Variants in FRMPD3 observed in about 807,000 individuals in gnomAD.
The protein encoded by FRMPD3 is FERM and PDZ domain containing 3.
Under a neutral mutation model 97.9 loss-of-function variants are expected in FRMPD3, and 42 were observed. That is an observed-to-expected ratio of 0.43 (90% CI 0.34 to 0.55). The LOEUF is 0.55. Ranked by LOEUF, FRMPD3 falls within the 20% of genes least tolerant of loss-of-function variation. FRMPD3 has a pLI of 0.03. For synonymous variants in FRMPD3, 577 were observed against 581.1 expected (o/e 0.99, Z 0.10); for missense variants, 1,303 against 1,457.7 (o/e 0.89, Z 1.73).
At position 107,601,412 on chromosome X, in the gene FRMPD3, C is replaced by G; in HGVS notation, c.3373C>G (p.Pro1125Ala). 8.4e-7 allele frequency: 1 copy of G among 1,192,524 alleles called. No homozygotes were observed. The highest frequency in any genetic ancestry group is 3.0e-5 in the East Asian group (1 of 32,906). Residue 1125 changes from proline to alanine, a missense_variant, in exon 15 of 15, where the codon CCC becomes GCC. Pro to Ala is a conservative substitution (Grantham distance 27, BLOSUM62 -1). Transcript: ENST00000683843. ...CAAGCTCGAAGAGACCAGCCTGGTT[C>G]CCCGAGCTACCTACCCCATGGCTCT... is the stretch of plus-strand genomic sequence containing the variant. ...RSKLEETSLVPRATYPMALQS... is the reference protein window; with the variant it reads ...RSKLEETSLVARATYPMALQS...
intron 1 of FRMPD3, among the ~76,000 whole-genome samples, chrX:107,510,617 G>C (rs1265583387): frequency 5.4e-5 from 6 of 111,882 alleles, no homozygotes; most frequent in Non-Finnish European, 1.1e-4. Context: ...TTATTCTTAG[G>C]TGGAGGGTTC....
chrX:107,508,910 C>T (rs1013939064), intron 1 of FRMPD3, among the ~76,000 whole-genome samples: 9 of 111,848 alleles, frequency 8.0e-5, no homozygotes, highest in Admixed American at 1.9e-4. Context: ...GTTGTTAATA[C>T]GATATTATGG....
chrX:107,474,554 A>G lies in FRMPD3; in HGVS notation c.-8+24549A>G, dbSNP rs753317702. Among the ~76,000 whole-genome samples the G allele has an allele frequency of 1.1e-4, 12 of 111,637 alleles. No individual in the cohort carries two copies. The South Asian group carries it at 4.6e-3, about 43-fold the overall frequency. Reference sequence around the variant, plus strand: ...ATACTAGGTGGCTTCCAGAATTGTCATATAGGAAGAATTTGGGGGCAAAAA... The same window carrying G: ...ATACTAGGTGGCTTCCAGAATTGTCGTATAGGAAGAATTTGGGGGCAAAAA... On this transcript the variant is annotated intron_variant, in intron 1 of 14. Transcript: ENST00000683843.
intron 12 of FRMPD3, among the ~76,000 whole-genome samples, chrX:107,569,676 T>C (rs1321969743): frequency 1.8e-5 from 2 of 111,755 alleles, no homozygotes; most frequent in African/African-American, 6.5e-5. Context: ...ATGGTGGGTG[T>C]ATGTACACCA....
intron 1 of FRMPD3, among the ~76,000 whole-genome samples, chrX:107,499,913 C>T (rs1306025067): frequency 9.0e-6 from 1 of 111,377 alleles, no homozygotes; most frequent in Non-Finnish European, 1.9e-5. Context: ...TCTATAACCT[C>T]AGCCACCTAT....
intron 1 of FRMPD3, among the ~76,000 whole-genome samples, chrX:107,512,708 T>G (rs1051559000): frequency 7.2e-5 from 8 of 111,874 alleles, no homozygotes; most frequent in African/African-American, 2.6e-4. Flanking sequence ...GGGGCTGGGG[T>G]GCCCAGGGCT....
chrX:107,602,821 C>T lies in FRMPD3; in HGVS notation c.4782C>T (p.Ala1594=). 8.3e-7 allele frequency: 1 copy of T among 1,208,718 alleles called. No homozygotes were observed. The part of the protein sequence containing the change: ...AYGLPDGFLA[A]RLDTNELLTV... ...GCCTCCCTGATGGCTTCCTGGCTGC[C>T]CGGCTGGACACCAACGAGCTGCTGA... Residue 1594 remains alanine, a synonymous_variant, in exon 15 of 15, where the codon GCC becomes GCT. Transcript: ENST00000683843.
intron 1 of FRMPD3, among the ~76,000 whole-genome samples, chrX:107,510,881 T>C (rs1393160159): frequency 8.9e-6 from 1 of 112,248 alleles, no homozygotes; most frequent in Non-Finnish European, 1.9e-5. Flanking sequence ...ATTGGACAAT[T>C]CAGAGATGGT....
intron 1 of FRMPD3, among the ~76,000 whole-genome samples, chrX:107,487,541 C>A: frequency 9.0e-6 from 1 of 111,565 alleles, no homozygotes; most frequent in African/African-American, 3.3e-5. Flanking sequence ...TTTCCTAGAT[C>A]TCTGCATTCC....
chrX:107,547,468 G>T (rs187505264), intron 5 of FRMPD3, among the ~76,000 whole-genome samples: 375 of 110,924 alleles, frequency 3.4e-3, no homozygotes, highest in African/African-American at 0.012. Flanking sequence ...CAGGCGTAAC[G>T]ATGCCCCCCA....
chrX:107,503,050 T>C (rs763952621), intron 1 of FRMPD3, among the ~76,000 whole-genome samples: 2 of 109,227 alleles, frequency 1.8e-5, no homozygotes, highest in Admixed American at 9.6e-5. Flanking sequence ...TAATTAGTCA[T>C]GGGGGGAATG....
rs1041332033 is a variant in FRMPD3, at chrX:107,602,117, C to T, written c.4078C>T (p.Arg1360Ter). 3.3e-6 allele frequency: 4 copies of T among 1,210,108 alleles called. No individual in the cohort carries two copies. The highest frequency in any genetic ancestry group is 1.7e-5 in the African/African-American group (1 of 57,835). ...CATTCGTTCTACCAGCCTGGAGTCC[C>T]GAGAGTGCCGATCGGACCCTGAGAG... ...QRIRSTSLES[R>*]ECRSDPESGV... Residue 1360 changes from arginine (R) to a stop codon, truncating the protein, a stop_gained, in exon 15 of 15, where the codon CGA becomes TGA. Transcript: ENST00000683843. LOFTEE classifies it high-confidence loss of function.
chrX:107,522,568 C>T (rs890405614), intron 1 of FRMPD3: 4 of 456,814 alleles, frequency 8.8e-6, no homozygotes, highest in Non-Finnish European at 1.5e-5. Flanking sequence ...TGTGCTTAGC[C>T]ACTGTGGGTC....
At chrX:107,592,049 C>G (rs981772920) in intron 13 of FRMPD3, among the ~76,000 whole-genome samples, 2 of 106,439 alleles carry the variant, frequency 1.9e-5, no homozygotes, top group Admixed American at 2.0e-4. Context: ...ACAGTGTACC[C>G]TGTACCCAGT....
At position 107,540,624 on chromosome X, in the gene FRMPD3, C is replaced by G. The variant is rs1318420818; in HGVS notation, c.298-5113C>G. 2.7e-5 allele frequency among the ~76,000 whole-genome samples: 3 copies of G among 112,207 alleles called. No homozygotes were observed. The East Asian group carries it at 8.4e-4, about 31-fold the overall frequency. On this transcript the variant is annotated intron_variant, in intron 4 of 14. Coordinates refer to ENST00000683843, the MANE Select transcript of FRMPD3 (RefSeq NM_001388459.1). ...GTGGCCCCAGAGGTACTTAGCAATT[C>G]TAGTCCCATGTTTCAAGCCAAAATT...
At chrX:107,549,260 T>C (rs1032122717) in intron 5 of FRMPD3, among the ~76,000 whole-genome samples, 3 of 104,628 alleles carry the variant, frequency 2.9e-5, no homozygotes, top group Non-Finnish European at 5.9e-5. Context: ...GAGGCAGAGG[T>C]TGCAGCGAGC....
At chrX:107,550,712 G>T (rs111269296) in intron 6 of FRMPD3, among the ~76,000 whole-genome samples, 2,909 of 111,232 alleles carry the variant, frequency 0.026, 98 homozygotes, top group African/African-American at 0.091. Flanking sequence ...CCAGGTGTCA[G>T]AAAGTCCTAG....
intron 1 of FRMPD3, among the ~76,000 whole-genome samples, chrX:107,460,014 G>A (rs953590213): frequency 8.1e-5 from 9 of 111,678 alleles, no homozygotes; most frequent in Admixed American, 1.9e-4. Context: ...TCTTCTGATT[G>A]CAGATTTGAG....
At chrX:107,592,101 C>T (rs1179557104) in intron 13 of FRMPD3, among the ~76,000 whole-genome samples, 4 of 110,269 alleles carry the variant, frequency 3.6e-5, no homozygotes, top group Non-Finnish European at 5.7e-5. Flanking sequence ...CGCCCTTCCC[C>T]GCAAGTCCCC....
Sources: allele counts gnomAD v4.1 joint callset (sites outside exome capture counted in the v4.1 genomes callset), GRCh38; gene constraint gnomAD v4.1.1; transcripts MANE v1.5; gene names NCBI Gene and HGNC (gene_info 2026-07-23, HGNC 2026-07-21).